VMP1: variants seen among roughly 807,000 people sequenced by gnomAD.
The protein encoded by VMP1 is ectopic P-granules autophagy protein 3 homolog.
In VMP1, 11 loss-of-function variants were observed where a neutral mutation model predicts 56.0. That is an observed-to-expected ratio of 0.20 (90% CI 0.12 to 0.32). The LOEUF (loss-of-function observed/expected upper bound fraction) is 0.32. Ranked by LOEUF, VMP1 falls within the 10% of genes least tolerant of loss-of-function variation. The probability of loss-of-function intolerance (pLI) is 1.00; values close to 1 mark genes in which losing one functional copy is unlikely to be tolerated. For missense variants in VMP1, 296 were observed against 490.3 expected, an observed-to-expected ratio of 0.60 and a Z score of 3.74; for synonymous variants, 149 against 165.0, an observed-to-expected ratio of 0.90 and a Z score of 0.74.
chr17:59,807,227 C>T (rs112427882), intron 7 of VMP1, among the ~76,000 whole-genome samples: 7,133 of 144,416 alleles, frequency 0.049, 584 homozygotes, highest in African/African-American at 0.18. Flanking sequence ...GACGGAGTCT[C>T]GCTCTTGTTG....
At position 59,737,773 on chromosome 17, in the gene VMP1, AT is replaced by A. The variant is rs917495857; in HGVS notation, c.303+243del. On this transcript the variant is annotated intron_variant, in intron 4 of 11. Transcript: ENST00000262291. Reference sequence around the variant, plus strand: ...TGTGTGATTCCTTTTACCTTCAAAGATTTTTTTTTTTTTAAAGACAGAGTCT... The same window carrying A: ...TGTGTGATTCCTTTTACCTTCAAAGATTTTTTTTTTTTAAAGACAGAGTCT... Among the ~76,000 whole-genome samples, 185 of 145,252 alleles carry A rather than the reference AT, an allele frequency of 1.3e-3. 1 individual carries two copies. Among genetic ancestry groups the A allele is most frequent in the South Asian group, 1.5e-3 (7 of 4,606 alleles).
At chr17:59,769,465 A>G (rs1228166114) in intron 6 of VMP1, among the ~76,000 whole-genome samples, 1 of 152,178 alleles carries the variant, frequency 6.6e-6, no homozygotes, top group African/African-American at 2.4e-5. Flanking sequence ...TCACTTGACA[A>G]AATGTTTTTT....
chr17:59,795,006 T>TTTC (rs1336143425), intron 7 of VMP1, among the ~76,000 whole-genome samples: 5 of 150,026 alleles, frequency 3.3e-5, no homozygotes, highest in Middle Eastern at 6.9e-3. Flanking sequence ...TTTTTTTTTT[T>TTTC]TTTTTTTTGA....
At chr17:59,790,005 G>T (rs755543933) in intron 7 of VMP1, among the ~76,000 whole-genome samples, 11 of 151,538 alleles carry the variant, frequency 7.3e-5, no homozygotes, top group African/African-American at 2.7e-4. Flanking sequence ...ATGCCCGGCT[G>T]TTTTTTTGTA....
In VMP1 at chr17:59,757,859, C is replaced by CCT. The variant is rs776520537; in HGVS notation, c.415-7112_415-7111insCT. Among the ~76,000 whole-genome samples, 400 of 91,306 alleles carry CCT rather than the reference C, an allele frequency of 4.4e-3. 2 individuals carry two copies. Among genetic ancestry groups the CCT allele is most frequent in the South Asian group, 7.6e-3 (18 of 2,384 alleles). 59.9% of individuals were successfully genotyped at this position (91,306 alleles called of 152,430 possible). A position where few individuals can be genotyped will look rare whatever the true frequency, so the allele number is the denominator to read the frequency against. ...AAATAAAACAGACCTTTATTTGCCA[C>CCT]TTTTTTTTTTTTTTTTTTTTTTTTT... On this transcript the variant is annotated intron_variant, in intron 5 of 11. Transcript: ENST00000262291.
chr17:59,715,490 A>G (rs2034116786), intron 1 of VMP1, among the ~76,000 whole-genome samples: 1 of 152,146 alleles, frequency 6.6e-6, no homozygotes, highest in African/African-American at 2.4e-5. Flanking sequence ...CATGGGGGAA[A>G]CGGCCCCCAT....
At chr17:59,798,532 G>C (rs1406847637) in intron 7 of VMP1, among the ~76,000 whole-genome samples, 1 of 152,122 alleles carries the variant, frequency 6.6e-6, no homozygotes, top group African/African-American at 2.4e-5. Flanking sequence ...TAAATGTTTC[G>C]TGAAATAGTA....
intron 9 of VMP1, among the ~76,000 whole-genome samples, chr17:59,814,264 A>T (rs1272744403): frequency 6.6e-6 from 1 of 152,220 alleles, no homozygotes; most frequent in Non-Finnish European, 1.5e-5. Flanking sequence ...GGCATGATCC[A>T]CTGCGCCTGG....
chr17:59,727,721 C>A (rs1171761315), intron 1 of VMP1, among the ~76,000 whole-genome samples: 2 of 152,148 alleles, frequency 1.3e-5, no homozygotes, highest in African/African-American at 4.8e-5. Flanking sequence ...ATAGTTTAGG[C>A]ATTTTGTACG....
chr17:59,791,250 A>G (rs531121263), intron 7 of VMP1, among the ~76,000 whole-genome samples: 1 of 146,650 alleles, frequency 6.8e-6, no homozygotes, highest in African/African-American at 2.6e-5. Flanking sequence ...GTGCAATGGC[A>G]CAATCTCGGC....
chr17:59,831,704 A>G (rs2144322641), intron 10 of VMP1, among the ~76,000 whole-genome samples: 1 of 151,254 alleles, frequency 6.6e-6, no homozygotes, highest in Admixed American at 6.6e-5. Context: ...AGCATGGGAA[A>G]ATATTGTTCC....
intron 10 of VMP1, among the ~76,000 whole-genome samples, chr17:59,818,882 G>A (rs777263108): frequency 2.6e-4 from 40 of 152,064 alleles, no homozygotes; most frequent in Non-Finnish European, 2.6e-4. Context: ...AGTGCCCTTT[G>A]TTTAGTTTTA....
intron 1 of VMP1, among the ~76,000 whole-genome samples, chr17:59,719,084 G>T (rs1009186384): frequency 6.6e-6 from 1 of 152,106 alleles, no homozygotes; most frequent in Admixed American, 6.5e-5. Context: ...AGCCTCGTTT[G>T]TCAAGATATA....
intron 1 of VMP1, among the ~76,000 whole-genome samples, chr17:59,713,721 T>C (rs2034030273): frequency 7.3e-6 from 1 of 137,002 alleles, no homozygotes; most frequent in Non-Finnish European, 1.6e-5. Flanking sequence ...AAAGAGAGAC[T>C]TTTTTTTTTA....
intron 1 of VMP1, among the ~76,000 whole-genome samples, chr17:59,726,638 C>T (rs2034618136): frequency 6.6e-6 from 1 of 152,196 alleles, no homozygotes. Flanking sequence ...AGTATAGCTT[C>T]AAGTTAAATG....
At position 59,773,052 on chromosome 17, in the gene VMP1, C is replaced by T. The variant is rs1027830637; in HGVS notation, c.583-702C>T. 2.7e-5 allele frequency among the ~76,000 whole-genome samples: 4 copies of T among 147,160 alleles called. No individual in the cohort carries two copies. In the East Asian group the frequency reaches 8.4e-4, roughly 31 times the overall value. Reference sequence around the variant, plus strand: ...TCTCAGCTCCCTGCAACCTCCGCCTCCCAGGTTCAAGCAATTTTCCTGCCT... The same window carrying T: ...TCTCAGCTCCCTGCAACCTCCGCCTTCCAGGTTCAAGCAATTTTCCTGCCT... On this transcript the variant is annotated intron_variant, in intron 6 of 11. Transcript: ENST00000262291.
intron 5 of VMP1, among the ~76,000 whole-genome samples, chr17:59,762,022 A>G (rs931339049): frequency 1.3e-5 from 2 of 152,200 alleles, no homozygotes; most frequent in East Asian, 1.9e-4. Flanking sequence ...GCCAGAGTCA[A>G]TGTATGGTTT....
chr17:59,772,997 C>G (rs1214345700), intron 6 of VMP1, among the ~76,000 whole-genome samples: 1 of 92,814 alleles, frequency 1.1e-5, no homozygotes, highest in African/African-American at 4.3e-5. Context: ...GAGTCTTGCT[C>G]TGTTGCCAGG....
intron 5 of VMP1, among the ~76,000 whole-genome samples, chr17:59,741,650 T>C (rs905186573): frequency 6.6e-6 from 1 of 152,204 alleles, no homozygotes; most frequent in African/African-American, 2.4e-5. Flanking sequence ...CATGATGTTA[T>C]AAGATATAAA....
Sources: gnomAD v4.1 joint callset for allele counts (sites outside exome capture counted in the v4.1 genomes callset) on GRCh38, gnomAD v4.1.1 for gene constraint, MANE v1.5 for transcripts, NCBI Gene and HGNC (gene_info 2026-07-23, HGNC 2026-07-21) for gene names.